The following TRPC4AP variants were observed in gnomAD, a reference collection of about 807,000 sequenced individuals.
TRPC4AP encodes short transient receptor potential channel 4-associated protein.
A neutral mutation model predicts 99.0 loss-of-function variants in TRPC4AP; 45 were observed. The ratio of observed to expected loss-of-function variants is 0.45; its 90% CI spans 0.36 to 0.58. TRPC4AP has a LOEUF of 0.58. Ranked by LOEUF, TRPC4AP falls within the 20% of genes least tolerant of loss-of-function variation. TRPC4AP has a pLI of 0.00. For missense variants in TRPC4AP, 879 were observed against 985.3 expected (o/e 0.89, Z 1.44); for synonymous variants, 408 against 385.8 (o/e 1.06, Z -0.67).
intron 8 of TRPC4AP, among the ~76,000 whole-genome samples, chr20:35,028,688 T>C (rs1488544489): frequency 6.6e-6 from 1 of 152,206 alleles, no homozygotes; most frequent in Non-Finnish European, 1.5e-5. Context: ...TTAGTCCTTG[T>C]TGGTATACAG....
chr20:35,022,061 T>A (rs139961186), intron 8 of TRPC4AP, among the ~76,000 whole-genome samples: 1 of 152,328 alleles, frequency 6.6e-6, no homozygotes, highest in East Asian at 1.9e-4. Flanking sequence ...GGCCTTAGAC[T>A]GCTCTGCAGC....
intron 10 of TRPC4AP, among the ~76,000 whole-genome samples, chr20:35,014,861 C>T (rs2082715115): frequency 6.6e-6 from 1 of 152,150 alleles, no homozygotes; most frequent in Non-Finnish European, 1.5e-5. Flanking sequence ...CCTTCTTTTG[C>T]AAGAAAACAG....
chr20:35,010,331 G>A (rs765707693), intron 11 of TRPC4AP, 43 bp from the exon 12 acceptor site: 6 of 1,528,236 alleles, frequency 3.9e-6, no homozygotes, highest in African/African-American at 1.4e-5. Flanking sequence ...CAGGAACTGG[G>A]GCTGCTGGGT....
chr20:35,028,873 C>T (rs184196064), intron 8 of TRPC4AP, among the ~76,000 whole-genome samples: 1 of 152,276 alleles, frequency 6.6e-6, no homozygotes, highest in Non-Finnish European at 1.5e-5. Context: ...ATGTTTATAA[C>T]TGTTGTATCT....
intron 3 of TRPC4AP, among the ~76,000 whole-genome samples, chr20:35,059,766 C>T (rs368757815): frequency 5.7e-5 from 8 of 141,422 alleles, no homozygotes; most frequent in Non-Finnish European, 9.2e-5. Flanking sequence ...ACGAAGAAGA[C>T]GACGAAGACA....
At chr20:35,030,809 G>A (rs901807341) in intron 8 of TRPC4AP, among the ~76,000 whole-genome samples, 2 of 152,184 alleles carry the variant, frequency 1.3e-5, no homozygotes, top group African/African-American at 4.8e-5. Flanking sequence ...AAAAGGAGAA[G>A]AAATATGCAT....
At chr20:35,013,856 C>G (rs1034054185) in intron 10 of TRPC4AP, among the ~76,000 whole-genome samples, 1 of 152,210 alleles carries the variant, frequency 6.6e-6, no homozygotes, top group Non-Finnish European at 1.5e-5. Flanking sequence ...GCCTGACCCA[C>G]CAGCCCAGGG....
chr20:35,012,882 G>A (rs542821336), intron 11 of TRPC4AP, 126 bp downstream of exon 11: 2 of 894,910 alleles, frequency 2.2e-6, no homozygotes, highest in South Asian at 1.5e-5. Context: ...CTAACACTGA[G>A]GGGACAGTGG....
In TRPC4AP at chr20:35,092,720, G is replaced by T; in HGVS notation, c.62C>A (p.Thr21Lys). ...GAGRGRRSAA[T>K]VAAWGGWGGR... ...GCCCCATCCGCCCCAAGCCGCCACT[G>T]TGGCTGCCGACCGTCTCCCTCGGCC... Residue 21 changes from threonine (T) to lysine (K), a missense_variant, in exon 1 of 19, where the codon ACA becomes AAA. This residue lies in a region of TRPC4AP where 603 missense variants were observed against 631.8 expected (regional missense o/e 0.95). Coordinates refer to ENST00000252015, the MANE Select transcript of TRPC4AP (RefSeq NM_015638.3). 6.4e-7 allele frequency: 1 copy of T among 1,559,154 alleles called. No homozygotes were observed. The highest frequency in any genetic ancestry group is 1.8e-5 in the Admixed American group (1 of 55,314).
At position 35,024,825 on chromosome 20, in the gene TRPC4AP, C is replaced by CCAAAAAAAAAAAAAAAAAAAAA. The variant is rs1555904985; in HGVS notation, c.1052-3470_1052-3469insTTTTTTTTTTTTTTTTTTTTTG. ...CCTAGGTGACAGAGAGAGACCGTCT[C>CCAAAAAAAAAAAAAAAAAAAAA]AAAAAAAAAAAAAAAAAAAAAAAAA... On this transcript the variant is annotated intron_variant, in intron 8 of 18. Coordinates refer to ENST00000252015, the MANE Select transcript of TRPC4AP (RefSeq NM_015638.3). Among the ~76,000 whole-genome samples the CCAAAAAAAAAAAAAAAAAAAAA allele has an allele frequency of 5.6e-5, 2 of 35,874 alleles. 1 individual carries two copies. Among genetic ancestry groups the CCAAAAAAAAAAAAAAAAAAAAA allele is most frequent in the African/African-American group, 2.3e-4 (2 of 8,752 alleles). 23.5% of individuals were successfully genotyped at this position (35,874 alleles called of 152,430 possible).
chr20:35,082,251 C>G (rs2084666835), intron 1 of TRPC4AP, among the ~76,000 whole-genome samples: 1 of 151,970 alleles, frequency 6.6e-6, no homozygotes, highest in African/African-American at 2.4e-5. Context: ...AATATTTTAA[C>G]ACAATTAAAC....
intron 7 of TRPC4AP, among the ~76,000 whole-genome samples, chr20:35,039,519 T>C (rs1240877353): frequency 2.0e-5 from 3 of 152,216 alleles, no homozygotes; most frequent in Non-Finnish European, 4.4e-5. Context: ...AATGTTAAAC[T>C]GACAACTAAA....
chr20:35,032,940 C>G (rs1407337511), intron 8 of TRPC4AP, among the ~76,000 whole-genome samples: 2 of 152,010 alleles, frequency 1.3e-5, no homozygotes, highest in Non-Finnish European at 2.9e-5. Flanking sequence ...TGGTAGCTCA[C>G]GCCTGTAATC....
intron 1 of TRPC4AP, among the ~76,000 whole-genome samples, chr20:35,090,369 CTGGTGAGCTTTTT>C (rs2085020000): frequency 2.0e-5 from 2 of 100,094 alleles, no homozygotes; most frequent in Non-Finnish European, 3.7e-5. Context: ...AGCCTTGTAT[CTGGTGAGCTTTTT>C]TTTTTTTTTT....
intron 9 of TRPC4AP, among the ~76,000 whole-genome samples, chr20:35,017,873 C>T (rs1324791044): frequency 2.0e-5 from 3 of 152,230 alleles, no homozygotes; most frequent in Admixed American, 2.0e-4. Context: ...AGTGTTAAGA[C>T]TCATAAGCAG....
Position 35,016,040 on chromosome 20 carries a change from G to A in TRPC4AP, c.1318C>T (p.His440Tyr), listed in dbSNP as rs770440407. The A allele has an allele frequency of 2.5e-6, 4 of 1,614,060 alleles. No individual in the cohort carries two copies. The highest frequency in any genetic ancestry group is 1.3e-5 in the African/African-American group (1 of 74,924). Residue 440 changes from histidine (H) to tyrosine (Y), a missense_variant, in exon 10 of 19, where the codon CAT becomes TAT. Transcript: ENST00000252015. ...RKHSASALVL[H>Y]GHNQNCDCSP... ...CAGTCACAGTTCTGGTTGTGACCAT[G>A]GAGGACAAGGGCAGATGCTGAATGC... is the stretch of plus-strand genomic sequence containing the variant.
chr20:35,092,585 G>A (rs1350616340), intron 1 of TRPC4AP, 29 bp downstream of exon 1: 5 of 460,398 alleles, frequency 1.1e-5, no homozygotes, highest in South Asian at 8.7e-5. Context: ...GGTCCGCCCC[G>A]CCCCGCCCCT....
intron 6 of TRPC4AP, among the ~76,000 whole-genome samples, chr20:35,047,459 AC>A (rs2083586500): frequency 6.6e-6 from 1 of 152,186 alleles, no homozygotes; most frequent in African/African-American, 2.4e-5. Context: ...ATTCATTTCT[AC>A]TATATAATAT....
At chr20:35,027,354 T>C (rs1340524067) in intron 8 of TRPC4AP, among the ~76,000 whole-genome samples, 1 of 152,234 alleles carries the variant, frequency 6.6e-6, no homozygotes, top group Non-Finnish European at 1.5e-5. Context: ...TTACATAAAC[T>C]GATTTTCAAA....
Sources: gnomAD v4.1 joint callset for allele counts (sites outside exome capture counted in the v4.1 genomes callset) on GRCh38, gnomAD v4.1.1 for gene constraint, gnomAD v4.1.1 regional missense constraint, MANE v1.5 for transcripts, NCBI Gene and HGNC (gene_info 2026-07-23, HGNC 2026-07-21) for gene names.